The following ESYT1 variants were observed in gnomAD, a reference collection of about 807,000 sequenced individuals.
The protein encoded by ESYT1 is extended synaptotagmin 1, also known as extended synaptotagmin-1.
ESYT1 carries 116 observed loss-of-function variants against 154.2 expected under a neutral mutation model. That is an observed-to-expected ratio of 0.75 (90% CI 0.65 to 0.88). The LOEUF (loss-of-function observed/expected upper bound fraction) is 0.88. Among genes scored for constraint, ESYT1 ranks in the 40% least tolerant of loss-of-function variants. The pLI is 0.00. For synonymous variants in ESYT1, 500 were observed against 539.9 expected, an observed-to-expected ratio of 0.93 and a Z score of 1.02; for missense variants, 1,264 against 1,379.3, an observed-to-expected ratio of 0.92 and a Z score of 1.32.
chr12:56,144,436 C>T lies in ESYT1; in HGVS notation c.*574C>T. ...GATGGCTGGGGCCAGTCTCTTGTCACTTTGGAAACTGAGGACGCGTGGATT... is the reference window on the plus strand; with the variant it reads ...GATGGCTGGGGCCAGTCTCTTGTCATTTTGGAAACTGAGGACGCGTGGATT... On this transcript the variant is annotated 3_prime_UTR_variant, in exon 31 of 31. Transcript: ENST00000394048. The T allele has an allele frequency of 2.0e-6, 2 of 987,418 alleles. No individual in the cohort carries two copies. The highest frequency in any genetic ancestry group is 1.2e-6 in the Non-Finnish European group (1 of 831,246). 61.2% of individuals were successfully genotyped at this position (987,418 alleles called of 1,614,324 possible).
At chr12:56,138,323 GCTCTT>G (rs779069128) in intron 21 of ESYT1, 51 bp downstream of exon 21, 1 of 1,612,716 alleles carries the variant, frequency 6.2e-7, no homozygotes, top group African/African-American at 1.3e-5. Flanking sequence ...GGCAGGATGA[GCTCTT>G]CTCTTAGCGT....
At position 56,133,582 on chromosome 12, in the gene ESYT1, T is replaced by C. The variant is rs1020700074; in HGVS notation, c.1294-6T>C. ...CTGATCTCTACTACATCTCAATTTC[T>C]TCTAGTGGTTCCCTCTACAAGGTGG... On this transcript the variant is annotated splice_region_variant and splice_polypyrimidine_tract_variant and intron_variant, in intron 11 of 30. Transcript: ENST00000394048. 3 of 1,614,116 alleles carry C rather than the reference T, an allele frequency of 1.9e-6. No homozygotes were observed. Among genetic ancestry groups the C allele is most frequent in the African/African-American group, 2.7e-5 (2 of 74,950 alleles).
rs765500417 is a variant in ESYT1 at position 56,143,126 on chromosome 12, C to G, written c.3097C>G (p.Leu1033Val). 1.9e-6 allele frequency: 3 copies of G among 1,614,148 alleles called. No individual in the cohort carries two copies. ...GAGGACCTCACAGAAGAAGAGGACC[C>G]TGAGTCCTGAATTTAATGAACGGTC... ...KRRTSQKKRT[L>V]SPEFNERFEW... Residue 1033 changes from leucine to valine, a missense_variant, in exon 28 of 31, where the codon CTG becomes GTG. Coordinates refer to ENST00000394048, the MANE Select transcript of ESYT1 (RefSeq NM_015292.3).
chr12:56,141,547 T>C (rs545503844), intron 24 of ESYT1, among the ~76,000 whole-genome samples: 100 of 152,262 alleles, frequency 6.6e-4, no homozygotes, highest in South Asian at 1.7e-3. Context: ...GAGACCATCC[T>C]GGCTAACACG....
At position 56,142,278 on chromosome 12, in the gene ESYT1, C is replaced by T. The variant is rs1242627592; in HGVS notation, c.2593-7C>T. On this transcript the variant is annotated splice_polypyrimidine_tract_variant and splice_region_variant and intron_variant, in intron 24 of 30. Transcript: ENST00000394048. This position sits in a 1 kb window ranked among gnomAD's most constrained non-coding sequence, Gnocchi z 4.1. ...CGCCTCTTGATCATGGTCCTGTTGC[C>T]CCACAGGTTCGGGGTGAGGGCACTG... 8 of 1,613,422 alleles carry T rather than the reference C, an allele frequency of 5.0e-6. No individual in the cohort carries two copies. In the East Asian group the frequency reaches 1.8e-4, roughly 36 times the overall value.
Position 56,138,450 on chromosome 12 carries a change from T to C in ESYT1, c.2384T>C (p.Leu795Pro), listed in dbSNP as rs964235029. 4 of 1,613,256 alleles carry C rather than the reference T, an allele frequency of 2.5e-6. No individual in the cohort carries two copies. The highest frequency in any genetic ancestry group is 3.4e-6 in the Non-Finnish European group (4 of 1,179,824). ...SLIQTQKSAE[L>P]AAALLSIYME... The stretch of plus-strand genomic sequence containing the variant: ...ATCCAGACTCAGAAGAGTGCGGAGC[T>C]GGCTGCGGCCCTGCTATCCATCTAT... Residue 795 changes from leucine to proline, a missense_variant, in exon 22 of 31, where the codon CTG becomes CCG. Coordinates refer to ENST00000394048, the MANE Select transcript of ESYT1 (RefSeq NM_015292.3).
At chr12:56,129,966 T>G (rs2136867924) in intron 1 of ESYT1, among the ~76,000 whole-genome samples, 1 of 152,176 alleles carries the variant, frequency 6.6e-6, no homozygotes, top group Non-Finnish European at 1.5e-5. Context: ...GTTGCCAAGC[T>G]GGAGTGCAGT....
rs1441018431 is a variant in ESYT1 at position 56,132,223 on chromosome 12, C to G, written c.875C>G (p.Thr292Ser). 1 of 1,614,056 alleles carries G rather than the reference C, an allele frequency of 6.2e-7. No homozygotes were observed. Among genetic ancestry groups the G allele is most frequent in the Non-Finnish European group, 8.5e-7 (1 of 1,180,032 alleles). Residue 292 changes from threonine (T) to serine (S), a missense_variant, in exon 8 of 31, where the codon ACC (threonine) becomes AGC (serine). Thr to Ser is a moderately conservative substitution (Grantham distance 58). Transcript: ENST00000394048. The stretch of plus-strand genomic sequence containing the variant: ...CCCCCATTCAGCTCACTCTCTGACA[C>G]CATGATCATGGACTCCATTGCTGCC... ...DIPGLSSLSD[T>S]MIMDSIAAFL...
intron 7 of ESYT1, 74 bp from the exon 8 acceptor site, chr12:56,132,135 T>C (rs867773330): frequency 9.3e-6 from 15 of 1,609,008 alleles, no homozygotes; most frequent in Middle Eastern, 3.3e-4. Flanking sequence ...CTCTTGGGTG[T>C]GGGAAACATA....
At position 56,136,724 on chromosome 12, in the gene ESYT1, CCTT is replaced by C; in HGVS notation, c.1633-18_1633-16del. 6.3e-7 allele frequency: 1 copy of C among 1,582,848 alleles called. No individual in the cohort carries two copies. On this transcript the variant is annotated splice_polypyrimidine_tract_variant and intron_variant, in intron 15 of 30. Coordinates refer to ENST00000394048, the MANE Select transcript of ESYT1 (RefSeq NM_015292.3). ...TTTCCCCTAATCCCTTCACTACAGT[CCTT>C]CCTCCTGTGCCTGTAGGTGAAGGAT...
Position 56,132,501 on chromosome 12 carries a change from G to T in ESYT1, c.1065G>T (p.Lys355Asn). The T allele has an allele frequency of 6.2e-7, 1 of 1,614,216 alleles. No individual in the cohort carries two copies. The highest frequency in any genetic ancestry group is 8.5e-7 in the Non-Finnish European group (1 of 1,180,032). Reference sequence around the variant, plus strand: ...ATGTGAAGGGCCTGATTGAGGGCAAGTCAGACCCATATGCACTTGTGCGTT... The same window carrying T: ...ATGTGAAGGGCCTGATTGAGGGCAATTCAGACCCATATGCACTTGTGCGTT... ...DKYVKGLIEG[K>N]SDPYALVRLG... Residue 355 changes from lysine to asparagine, a missense_variant, in exon 9 of 31, where the codon AAG becomes AAT. By Grantham distance (94) the Lys-to-Asn change is moderately conservative. Coordinates refer to ENST00000394048, the MANE Select transcript of ESYT1 (RefSeq NM_015292.3).
intron 30 of ESYT1, 23 bp downstream of exon 30, chr12:56,143,652 G>A: frequency 1.9e-6 from 3 of 1,614,056 alleles, no homozygotes; most frequent in East Asian, 2.2e-5. Context: ...GTGGGTGGGG[G>A]ATGGTCTGGA....
intron 1 of ESYT1, 156 bp downstream of exon 1, chr12:56,128,865 G>T (rs1196423486): frequency 3.3e-6 from 3 of 906,368 alleles, no homozygotes; most frequent in Non-Finnish European, 4.9e-6. Context: ...CCTGCTGGAC[G>T]CGCCACTCTT....
chr12:56,134,529 A>C, intron 15 of ESYT1, 101 bp downstream of exon 15: 1 of 985,706 alleles, frequency 1.0e-6, no homozygotes. Flanking sequence ...TCCTATTTTT[A>C]ATCCATCTAC....
Position 56,142,621 on chromosome 12 carries a change from G to A in ESYT1, c.2777G>A (p.Ser926Asn). The change falls in exon 26 of 31, where the codon AGC (serine) becomes AAC (asparagine). Residue 926 changes from serine (S) to asparagine (N), a missense_variant. By Grantham distance (46) the Ser-to-Asn change is conservative. Transcript: ENST00000394048. This position sits in a 1 kb window ranked among gnomAD's most constrained non-coding sequence, Gnocchi z 4.1. ...TCGGGAGTGGAAGCTCATAGCCACA[G>A]CTACAGCCACAGCTCCTCATCGCTG... ...QHSGVEAHSHSYSHSSSSLSE... is the reference protein window; with the variant it reads ...QHSGVEAHSHNYSHSSSSLSE... 1 of 1,614,114 alleles carries A rather than the reference G, an allele frequency of 6.2e-7. No homozygotes were observed. Among genetic ancestry groups the A allele is most frequent in the Admixed American group, 1.7e-5 (1 of 60,024 alleles).
Position 56,137,543 on chromosome 12 carries a change from C to G in ESYT1, c.1983C>G (p.Ala661=). 1 of 1,614,158 alleles carries G rather than the reference C, an allele frequency of 6.2e-7. No homozygotes were observed. The highest frequency in any genetic ancestry group is 1.7e-4 in the Middle Eastern group (1 of 6,060). Residue 661 remains alanine (A), a synonymous_variant, in exon 18 of 31, where the codon GCC becomes GCG. Transcript: ENST00000394048. ...IHVLEAQDLI[A]KDRFLGGLVK... ...TATTAGAGGCCCAGGACCTGATTGC[C>G]AAAGACCGTTTCTTGGGGGGACTGG...
chr12:56,141,565 CCT>C (rs1870693216), intron 24 of ESYT1, among the ~76,000 whole-genome samples: 1 of 152,062 alleles, frequency 6.6e-6, no homozygotes, highest in Admixed American at 6.6e-5. Flanking sequence ...ACGGTGAAAC[CCT>C]GTCTCTATTA....
chr12:56,131,196 T>C, intron 4 of ESYT1, 48 bp from the exon 5 acceptor site: 1 of 1,613,844 alleles, frequency 6.2e-7, no homozygotes, highest in Non-Finnish European at 8.5e-7. Flanking sequence ...TCCCCGCAAC[T>C]TCAGCCAAGG....
At chr12:56,130,749 G>T in intron 2 of ESYT1, 42 bp from the exon 3 acceptor site, 1 of 1,613,260 alleles carries the variant, frequency 6.2e-7, no homozygotes. Flanking sequence ...GCCTTGAGAG[G>T]GAAGACTGGA....
Sources: allele counts gnomAD v4.1 joint callset (sites outside exome capture counted in the v4.1 genomes callset), GRCh38; gene constraint gnomAD v4.1.1; non-coding constraint Gnocchi (gnomAD v3.1); transcripts MANE v1.5; gene names NCBI Gene and HGNC (gene_info 2026-07-23, HGNC 2026-07-21).